The following ZC3H7B variants were observed in gnomAD, a reference collection of about 807,000 sequenced individuals.
ZC3H7B encodes the protein zinc finger CCCH-type containing 7B, also known as zinc finger CCCH domain-containing protein 7B.
A neutral mutation model predicts 116.0 loss-of-function variants in ZC3H7B; 35 were observed. The observed-to-expected ratio is 0.30, with a 90% confidence interval of 0.23 to 0.40. ZC3H7B has a LOEUF of 0.40. Among genes scored for constraint, ZC3H7B ranks in the 10% least tolerant of loss-of-function variants. The pLI, the probability that ZC3H7B is intolerant of heterozygous loss-of-function variation, is 1.00. For synonymous variants in ZC3H7B, 502 were observed against 545.6 expected (o/e 0.92, Z 1.11); for missense variants, 1,011 against 1,321.5 (o/e 0.77, Z 3.64).
At chr22:41,342,750 C>A in intron 12 of ZC3H7B, 122 bp downstream of exon 12, 1 of 1,023,950 alleles carries the variant, frequency 9.8e-7, no homozygotes, top group Non-Finnish European at 1.4e-6. Flanking sequence ...AAATCAGAAG[C>A]CCCTCTGGGG....
chr22:41,308,569 C>A (rs1007554142), intron 1 of ZC3H7B, among the ~76,000 whole-genome samples: 2 of 152,182 alleles, frequency 1.3e-5, no homozygotes, highest in Non-Finnish European at 2.9e-5. Context: ...AGGCCTGAAC[C>A]ACTGCAGTAG....
At position 41,343,318 on chromosome 22, in the gene ZC3H7B, A is replaced by C. The variant is rs1415698688; in HGVS notation, c.1298-97A>C. The C allele has an allele frequency of 2.0e-6, 3 of 1,473,592 alleles. No homozygotes were observed. In the Admixed American group the frequency reaches 5.9e-5, roughly 29 times the overall value. 91.3% of individuals were successfully genotyped at this position (1,473,592 alleles called of 1,614,324 possible). A position where few individuals can be genotyped will look rare whatever the true frequency, so the allele number is the denominator to read the frequency against. ...GCCCTCAGAGGGGAGGTAGGTATAT[A>C]AGGAGGGGGCCGATTCCTACCCACC... On this transcript the variant is annotated intron_variant, in intron 12 of 22. Transcript: ENST00000352645.
chr22:41,329,031 CAA>C (rs905189346), intron 5 of ZC3H7B, among the ~76,000 whole-genome samples: 2,361 of 40,394 alleles, frequency 0.058, 62 homozygotes, highest in African/African-American at 0.16. Flanking sequence ...TACTAAAATA[CAA>C]AAAAAAAAAA....
At chr22:41,308,743 T>C (rs113260647) in intron 1 of ZC3H7B, among the ~76,000 whole-genome samples, 113 of 152,342 alleles carry the variant, frequency 7.4e-4, no homozygotes, top group African/African-American at 2.6e-3. Flanking sequence ...CGGCATGGCC[T>C]GTGAGTGGTT....
At position 41,358,204 on chromosome 22, in the gene ZC3H7B, T is replaced by A. The variant is rs2036746123; in HGVS notation, c.*775T>A. The A allele has an allele frequency of 6.6e-6, 1 of 151,986 alleles. No individual in the cohort carries two copies. Among genetic ancestry groups the A allele is most frequent in the Non-Finnish European group, 1.5e-5 (1 of 68,054 alleles). 9.4% of individuals were successfully genotyped at this position (151,986 alleles called of 1,614,324 possible). A position where few individuals can be genotyped will look rare whatever the true frequency, so the allele number is the denominator to read the frequency against. On this transcript the variant is annotated 3_prime_UTR_variant, in exon 23 of 23. Transcript: ENST00000352645. The stretch of plus-strand genomic sequence containing the variant: ...GTCCCAGCACAAGGCAGAGCTGGGA[T>A]GAAAACAGGGCTGAAAAGACTCAGG...
chr22:41,336,715 G>C (rs1258032735), intron 7 of ZC3H7B: 2 of 151,916 alleles, frequency 1.3e-5, no homozygotes, highest in South Asian at 2.1e-4. Context: ...ATGGTGGCAT[G>C]CTTCTGTAAT....
chr22:41,344,618 C>T (rs924793741), intron 13 of ZC3H7B, among the ~76,000 whole-genome samples: 2 of 152,170 alleles, frequency 1.3e-5, no homozygotes, highest in African/African-American at 4.8e-5. Context: ...GGGATCTGCC[C>T]CACTCCTCCA....
chr22:41,304,788 A>C (rs2036018553), intron 1 of ZC3H7B, among the ~76,000 whole-genome samples: 1 of 152,210 alleles, frequency 6.6e-6, no homozygotes, highest in Non-Finnish European at 1.5e-5. Flanking sequence ...GGTGGGCATT[A>C]TAATCTCCAT....
chr22:41,348,000 T>TG, intron 14 of ZC3H7B, 67 bp from the exon 15 acceptor site: 1 of 1,362,086 alleles, frequency 7.3e-7, no homozygotes, highest in Non-Finnish European at 1.0e-6. Context: ...GCTAGCTGTG[T>TG]GGGGTCCCAG....
In ZC3H7B at chr22:41,338,908, GAA is replaced by G. The variant is rs2036479436; in HGVS notation, c.626-91_626-90del. 4 of 1,314,028 alleles carry G rather than the reference GAA, an allele frequency of 3.0e-6. No individual in the cohort carries two copies. The East Asian group carries it at 9.9e-5, about 32-fold the overall frequency. The allele number at this position is 1,314,028 out of a possible 1,614,324, so 81.4% of individuals were successfully genotyped here. On this transcript the variant is annotated intron_variant, in intron 8 of 22. Coordinates refer to ENST00000352645, the MANE Select transcript of ZC3H7B (RefSeq NM_017590.6). This position sits in a 1 kb window ranked among gnomAD's most constrained non-coding sequence, Gnocchi z 4.5. ...CCTGGCAAGAGCTGAAAGAAGAAGG[GAA>G]AGTGTTGGATGAGCATCACGGGGCC...
Position 41,302,724 on chromosome 22 carries a change from AG to A in ZC3H7B, c.-7+958del, listed in dbSNP as rs959572370. ...CTTTCACAGACAAAGCCGTCTTCCC[AG>A]GGGGGAAAATAATCATATAAAAACA... On this transcript the variant is annotated intron_variant, in intron 1 of 22. Coordinates refer to ENST00000352645, the MANE Select transcript of ZC3H7B (RefSeq NM_017590.6). The surrounding 1 kb of genome is among the most constrained non-coding windows in gnomAD (Gnocchi z 5.7). 2.0e-5 allele frequency among the ~76,000 whole-genome samples: 3 copies of A among 152,114 alleles called. No homozygotes were observed. The highest frequency in any genetic ancestry group is 6.5e-5 in the Admixed American group (1 of 15,274).
At chr22:41,343,185 G>C (rs527926838) in intron 12 of ZC3H7B, among the ~76,000 whole-genome samples, 1 of 152,250 alleles carries the variant, frequency 6.6e-6, no homozygotes, top group South Asian at 2.1e-4. Context: ...AAAAAAGGAG[G>C]GGGGATGGGT....
chr22:41,343,640 G>A, intron 13 of ZC3H7B, 64 bp downstream of exon 13: 1 of 1,487,384 alleles, frequency 6.7e-7, no homozygotes, highest in Non-Finnish European at 9.0e-7. Flanking sequence ...CCCAGCCGCT[G>A]CTCTACTCCC....
intron 11 of ZC3H7B, 116 bp downstream of exon 11, chr22:41,341,262 C>A: frequency 7.9e-7 from 1 of 1,263,052 alleles, no homozygotes; most frequent in Non-Finnish European, 1.1e-6. Context: ...CACGGCGGGG[C>A]ACTCCCAGAG....
At chr22:41,301,909 C>T (rs929506761) in intron 1 of ZC3H7B, 137 bp downstream of exon 1, 1 of 151,812 alleles carries the variant, frequency 6.6e-6, no homozygotes, top group Non-Finnish European at 1.5e-5. Context: ...CTTTCCAGGC[C>T]GGGGCCGCGC....
chr22:41,330,858 C>CTTTT (rs1162413000), intron 6 of ZC3H7B, among the ~76,000 whole-genome samples: 2 of 128,656 alleles, frequency 1.6e-5, no homozygotes, highest in African/African-American at 2.9e-5. Flanking sequence ...AGGAGAATCA[C>CTTTT]TTTTTTTTTT....
intron 12 of ZC3H7B, among the ~76,000 whole-genome samples, chr22:41,343,184 G>A (rs960674529): frequency 7.2e-5 from 11 of 152,126 alleles, no homozygotes; most frequent in Non-Finnish European, 1.0e-4. Flanking sequence ...AAAAAAAGGA[G>A]GGGGGATGGG....
chr22:41,327,796 G>T lies in ZC3H7B; in HGVS notation c.444+432G>T, dbSNP rs1006631824. The stretch of plus-strand genomic sequence containing the variant: ...AATTTAGCCGGGCATGATGGCGTGT[G>T]CCTGTTTTGCTAATTCTGTTTAGTT... On this transcript the variant is annotated intron_variant, in intron 5 of 22. Transcript: ENST00000352645. The surrounding 1 kb of genome is among the most constrained non-coding windows in gnomAD (Gnocchi z 4.5). 3.9e-5 allele frequency among the ~76,000 whole-genome samples: 6 copies of T among 151,924 alleles called. No homozygotes were observed. The highest frequency in any genetic ancestry group is 7.4e-5 in the Non-Finnish European group (5 of 67,996).
intron 11 of ZC3H7B, among the ~76,000 whole-genome samples, 170 bp from the exon 12 acceptor site, chr22:41,342,359 A>C (rs1422645217): frequency 6.6e-6 from 1 of 152,152 alleles, no homozygotes; most frequent in Non-Finnish European, 1.5e-5. Context: ...CATTACAAAG[A>C]ACTCCCCTGG....
Sources: allele counts gnomAD v4.1 joint callset (sites outside exome capture counted in the v4.1 genomes callset), GRCh38; gene constraint gnomAD v4.1.1; non-coding constraint Gnocchi (gnomAD v3.1); transcripts MANE v1.5; gene names NCBI Gene and HGNC (gene_info 2026-07-23, HGNC 2026-07-21).